BANP: variants seen among roughly 807,000 people sequenced by gnomAD.
BANP encodes BTG3 associated nuclear protein, also known as protein BANP.
In BANP, 11 loss-of-function variants were observed where a neutral mutation model predicts 68.1. The ratio of observed to expected loss-of-function variants is 0.16; its 90% CI spans 0.10 to 0.27. The LOEUF (loss-of-function observed/expected upper bound fraction) is 0.27. Ranked by LOEUF, BANP falls within the 10% of genes least tolerant of loss-of-function variation. The pLI, the probability that BANP is intolerant of heterozygous loss-of-function variation, is 1.00. For missense variants in BANP, 504 were observed against 722.7 expected (o/e 0.70, Z 3.47); for synonymous variants, 329 against 303.2 (o/e 1.09, Z -0.88).
At chr16:87,974,176 A>G (rs1328574314) in intron 1 of BANP, among the ~76,000 whole-genome samples, 1 of 152,258 alleles carries the variant, frequency 6.6e-6, no homozygotes, top group Admixed American at 6.5e-5. Context: ...CATGATGGTC[A>G]CATTCATTCC....
intron 1 of BANP, among the ~76,000 whole-genome samples, chr16:87,972,116 A>T (rs181541757): frequency 6.6e-6 from 1 of 152,072 alleles, no homozygotes; most frequent in Admixed American, 6.5e-5. Context: ...AGCATCTCCT[A>T]TTATACATAT....
chr16:88,006,561 G>A (rs1268385014), intron 6 of BANP, among the ~76,000 whole-genome samples: 1 of 151,452 alleles, frequency 6.6e-6, no homozygotes. Context: ...CAGGAGAATC[G>A]CTTGAGCCTG....
chr16:87,960,937 G>C (rs2059009497), intron 1 of BANP, among the ~76,000 whole-genome samples: 1 of 152,198 alleles, frequency 6.6e-6, no homozygotes, highest in Non-Finnish European at 1.5e-5. Flanking sequence ...GTTTGTCTTT[G>C]CCACCGTGAG....
chr16:88,023,724 T>C (rs1294313512), intron 7 of BANP, among the ~76,000 whole-genome samples: 1 of 152,202 alleles, frequency 6.6e-6, no homozygotes, highest in African/African-American at 2.4e-5. Flanking sequence ...GGCTTATGAT[T>C]TGAACCACCA....
chr16:88,042,882 A>C (rs944134066), intron 11 of BANP, among the ~76,000 whole-genome samples: 47 of 152,362 alleles, frequency 3.1e-4, no homozygotes, highest in African/African-American at 1.1e-3. Context: ...GTGCCACTGC[A>C]TTCCAGCCTG....
intron 1 of BANP, among the ~76,000 whole-genome samples, chr16:87,974,007 G>T (rs998115830): frequency 2.0e-5 from 3 of 152,120 alleles, no homozygotes; most frequent in Non-Finnish European, 4.4e-5. Flanking sequence ...TTGTGGTTAG[G>T]GACAGTGAAC....
chr16:88,021,281 C>T (rs1339307622), intron 7 of BANP, among the ~76,000 whole-genome samples: 1 of 152,214 alleles, frequency 6.6e-6, no homozygotes, highest in Non-Finnish European at 1.5e-5. Context: ...GCACGGTCCC[C>T]TGGCAGGGGC....
At chr16:88,073,243 C>T (rs1333662425) in intron 13 of BANP, among the ~76,000 whole-genome samples, 1 of 152,218 alleles carries the variant, frequency 6.6e-6, no homozygotes, top group African/African-American at 2.4e-5. Flanking sequence ...CCGCGACAGC[C>T]GTGTGATGAT....
At chr16:88,072,924 TGCTGC>T (rs1302571776) in intron 13 of BANP, among the ~76,000 whole-genome samples, 1 of 152,260 alleles carries the variant, frequency 6.6e-6, no homozygotes, top group African/African-American at 2.4e-5. Flanking sequence ...GGTGGTTGGC[TGCTGC>T]CCAGCCCTTC....
At chr16:87,967,694 T>C (rs1231697477) in intron 1 of BANP, among the ~76,000 whole-genome samples, 1 of 150,896 alleles carries the variant, frequency 6.6e-6, no homozygotes, top group Non-Finnish European at 1.5e-5. Context: ...CAGTCTTGGC[T>C]CATTGCAGCC....
Position 88,002,935 on chromosome 16 carries a change from G to A in BANP, c.363-1360G>A, listed in dbSNP as rs1290765715. Among the ~76,000 whole-genome samples, 1 of 151,428 alleles carries A rather than the reference G, an allele frequency of 6.6e-6. No homozygotes were observed. ...GGACATGCTGTGAGCCTAGGATCCC[G>A]GGGACACCAGCCTTCCCACATGCTG... On this transcript the variant is annotated intron_variant, in intron 4 of 13. Transcript: ENST00000682872. The surrounding 1 kb of genome is among the most constrained non-coding windows in gnomAD (Gnocchi z 4.6).
intron 11 of BANP, among the ~76,000 whole-genome samples, chr16:88,052,051 C>T (rs7404984): frequency 0.16 from 24,889 of 152,134 alleles, 2,403 homozygotes; most frequent in South Asian, 0.33. Context: ...AGCACTGTAT[C>T]TGGAGTTTCT....
chr16:88,053,009 C>T (rs1178499972), intron 11 of BANP, among the ~76,000 whole-genome samples: 4 of 151,586 alleles, frequency 2.6e-5, no homozygotes, highest in Non-Finnish European at 5.9e-5. Flanking sequence ...CCATCTCCAT[C>T]ATTATCACCA....
intron 1 of BANP, among the ~76,000 whole-genome samples, chr16:87,963,104 T>C (rs1295174195): frequency 6.6e-6 from 1 of 152,196 alleles, no homozygotes; most frequent in Non-Finnish European, 1.5e-5. Flanking sequence ...TTTATGGCTC[T>C]TTGGACTTGC....
At chr16:87,969,606 C>G (rs1021809094) in intron 1 of BANP, among the ~76,000 whole-genome samples, 2 of 150,174 alleles carry the variant, frequency 1.3e-5, no homozygotes, top group African/African-American at 2.5e-5. Context: ...GATCTCAGCT[C>G]ACTGCAACCT....
At chr16:88,075,716 C>T (rs1350328212) in intron 13 of BANP, among the ~76,000 whole-genome samples, 1 of 148,570 alleles carries the variant, frequency 6.7e-6, no homozygotes, top group Non-Finnish European at 1.5e-5. Flanking sequence ...GGATGAGTGA[C>T]TTATTCCAAG....
intron 4 of BANP, among the ~76,000 whole-genome samples, chr16:87,995,563 G>A (rs1245597972): frequency 2.0e-5 from 3 of 152,234 alleles, no homozygotes; most frequent in Non-Finnish European, 4.4e-5. Context: ...AGTAGTATCA[G>A]CTTTTCTAAC....
chr16:87,986,689 G>A (rs1433295628), intron 4 of BANP, among the ~76,000 whole-genome samples: 3 of 152,194 alleles, frequency 2.0e-5, no homozygotes, highest in Non-Finnish European at 4.4e-5. Context: ...CAGACCTGCC[G>A]TGGCAGAAAT....
rs778240594 is a variant in BANP at position 88,027,457 on chromosome 16, G to A, written c.896-26G>A. The A allele has an allele frequency of 8.7e-6, 14 of 1,611,900 alleles. No homozygotes were observed. In the Admixed American group the frequency reaches 1.0e-4, roughly 12 times the overall value. On this transcript the variant is annotated intron_variant, in intron 7 of 13. Coordinates refer to ENST00000682872, the MANE Select transcript of BANP (RefSeq NM_001386991.1). ...GTGGCTGTCCCGAACAGGCCTCACC[G>A]CTTCTCCTTGGATGTGTCCTTCCAG...
Sources: allele counts gnomAD v4.1 joint callset (sites outside exome capture counted in the v4.1 genomes callset), GRCh38; gene constraint gnomAD v4.1.1; non-coding constraint Gnocchi (gnomAD v3.1); transcripts MANE v1.5; gene names NCBI Gene and HGNC (gene_info 2026-07-23, HGNC 2026-07-21).